GLCCI1: variants seen among roughly 807,000 people sequenced by gnomAD.
GLCCI1 encodes glucocorticoid-induced transcript 1 protein.
In GLCCI1, 24 loss-of-function variants were observed where a neutral mutation model predicts 52.2. That is an observed-to-expected ratio of 0.46 (90% confidence interval 0.33 to 0.65). The LOEUF (loss-of-function observed/expected upper bound fraction) is 0.65, where lower values mean the gene tolerates loss of function less well. GLCCI1 is among the 30% of genes least tolerant of loss of function. GLCCI1 has a pLI of 0.02. For synonymous variants in GLCCI1, 310 were observed against 276.5 expected, an observed-to-expected ratio of 1.12 and a Z score of -1.20; for missense variants, 704 against 701.5, an observed-to-expected ratio of 1.00 and a Z score of -0.04.
At position 7,983,973 on chromosome 7, in the gene GLCCI1, G is replaced by C. The variant is rs375696992; in HGVS notation, c.457+14166G>C. ...TCCACATATTAAAAGATGGAAGATA[G>C]ATTTCCACAGAATGAGTTTCTAAGT... On this transcript the variant is annotated intron_variant, in intron 1 of 7. Coordinates refer to ENST00000223145, the MANE Select transcript of GLCCI1 (RefSeq NM_138426.4). Among the ~76,000 whole-genome samples the C allele has an allele frequency of 4.7e-4, 71 of 152,310 alleles. 1 individual carries two copies. The highest frequency in any genetic ancestry group is 1.7e-3 in the African/African-American group (69 of 41,574).
chr7:7,988,384 A>G (rs2115413944), intron 1 of GLCCI1, among the ~76,000 whole-genome samples: 1 of 152,306 alleles, frequency 6.6e-6, no homozygotes, highest in Middle Eastern at 3.4e-3. Context: ...GCTTTGACAA[A>G]TCTTAAGAAC....
At chr7:8,034,883 G>A (rs537208299) in intron 3 of GLCCI1, among the ~76,000 whole-genome samples, 30 of 152,204 alleles carry the variant, frequency 2.0e-4, no homozygotes, top group Non-Finnish European at 3.7e-4. Flanking sequence ...AAACACTGGT[G>A]TGGGTGGTGA....
chr7:7,979,121 T>A (rs1282784669), intron 1 of GLCCI1, among the ~76,000 whole-genome samples: 2 of 152,162 alleles, frequency 1.3e-5, no homozygotes, highest in Admixed American at 1.3e-4. Context: ...AAATGCAGTT[T>A]CATTAGTATT....
chr7:8,034,818 C>T (rs944374250), intron 3 of GLCCI1, among the ~76,000 whole-genome samples: 14 of 152,172 alleles, frequency 9.2e-5, no homozygotes, highest in Admixed American at 3.9e-4. Context: ...TTGGGCTCCC[C>T]TTCCCCTCGC....
chr7:7,983,223 CTG>C (rs1780658501), intron 1 of GLCCI1, among the ~76,000 whole-genome samples: 1 of 144,606 alleles, frequency 6.9e-6, no homozygotes, highest in Admixed American at 6.9e-5. Flanking sequence ...ATGTAAGAAA[CTG>C]TATAAAATTG....
At chr7:8,084,178 G>GC (rs1783051695) in intron 6 of GLCCI1, among the ~76,000 whole-genome samples, 1 of 152,184 alleles carries the variant, frequency 6.6e-6, no homozygotes, top group Admixed American at 6.5e-5. Context: ...GGGAGAAATT[G>GC]CATATGGGTT....
intron 6 of GLCCI1, among the ~76,000 whole-genome samples, chr7:8,075,227 C>G (rs780788228): frequency 6.6e-6 from 1 of 152,134 alleles, no homozygotes; most frequent in Non-Finnish European, 1.5e-5. Flanking sequence ...AAAGTTTCAG[C>G]TATTGAGAGA....
At chr7:8,049,118 T>C (rs563710661) in intron 3 of GLCCI1, among the ~76,000 whole-genome samples, 24 of 152,302 alleles carry the variant, frequency 1.6e-4, no homozygotes, top group African/African-American at 5.5e-4. Flanking sequence ...CTCTCATTAG[T>C]ACGTTATATT....
chr7:8,070,914 CT>C lies in GLCCI1; in HGVS notation c.967-5del. 6.2e-7 allele frequency: 1 copy of C among 1,612,258 alleles called. No individual in the cohort carries two copies. Among genetic ancestry groups the C allele is most frequent in the Non-Finnish European group, 8.5e-7 (1 of 1,178,396 alleles). ...CATTTGGATGTTTAATGGTATTCCT[CT>C]TACAGCCGTTGGACATACCAGATGG... is the stretch of plus-strand genomic sequence containing the variant. On this transcript the variant is annotated splice_polypyrimidine_tract_variant and splice_region_variant and intron_variant, in intron 5 of 7. Coordinates refer to ENST00000223145, the MANE Select transcript of GLCCI1 (RefSeq NM_138426.4).
intron 1 of GLCCI1, among the ~76,000 whole-genome samples, chr7:7,973,936 G>C (rs1045365803): frequency 6.6e-6 from 1 of 151,920 alleles, no homozygotes; most frequent in African/African-American, 2.4e-5. Flanking sequence ...GAGATACTCA[G>C]ATATTCTCTT....
At chr7:8,026,898 G>T (rs1781634487) in intron 3 of GLCCI1, among the ~76,000 whole-genome samples, 1 of 152,164 alleles carries the variant, frequency 6.6e-6, no homozygotes, top group Non-Finnish European at 1.5e-5. Context: ...AATTCTCCCA[G>T]ATCTTTTTCA....
intron 6 of GLCCI1, among the ~76,000 whole-genome samples, chr7:8,077,006 A>C (rs1261330143): frequency 6.6e-6 from 1 of 152,242 alleles, no homozygotes; most frequent in African/African-American, 2.4e-5. Context: ...AAGAATAATT[A>C]AACTAAGATT....
chr7:8,060,644 G>A (rs566044867), intron 5 of GLCCI1, among the ~76,000 whole-genome samples: 127 of 152,182 alleles, frequency 8.3e-4, no homozygotes, highest in African/African-American at 2.7e-3. Context: ...GTTCACCCAC[G>A]TTTAGCCTGT....
intron 2 of GLCCI1, among the ~76,000 whole-genome samples, chr7:8,004,441 A>G (rs765310872): frequency 3.9e-5 from 6 of 152,206 alleles, no homozygotes; most frequent in African/African-American, 4.8e-5. Flanking sequence ...AATGAAATCT[A>G]TGTTGGAGAA....
chr7:8,022,530 G>T lies in GLCCI1; in HGVS notation c.657G>T (p.Gln219His). 1 of 1,586,132 alleles carries T rather than the reference G, an allele frequency of 6.3e-7. No homozygotes were observed. The highest frequency in any genetic ancestry group is 8.6e-7 in the Non-Finnish European group (1 of 1,164,794). ...AGGGTGCAGAAAAGAGGTCACATCA[G>T]CGTTCTGCGTCATGGGGGAGTGCTG... ...AEEGAEKRSH[Q>H]RSASWGSADQ... The change falls in exon 3 of 8, where the codon CAG (glutamine) becomes CAT (histidine). Residue 219 changes from glutamine (Q) to histidine (H), a missense_variant. By Grantham distance (24) the Gln-to-His change is conservative (BLOSUM62 0). Coordinates refer to ENST00000223145, the MANE Select transcript of GLCCI1 (RefSeq NM_138426.4).
At chr7:8,085,120 T>C in intron 7 of GLCCI1, 103 bp downstream of exon 7, 1 of 1,356,070 alleles carries the variant, frequency 7.4e-7, no homozygotes, top group Non-Finnish European at 1.0e-6. Flanking sequence ...CAGCTGATAA[T>C]GTGTTTCAAG....
chr7:8,084,832 T>G, intron 6 of GLCCI1, 65 bp from the exon 7 acceptor site: 1 of 1,568,088 alleles, frequency 6.4e-7, no homozygotes, highest in South Asian at 1.1e-5. Flanking sequence ...AAAGGCTGTT[T>G]GTTTGGAAAT....
Position 7,990,320 on chromosome 7 carries a change from G to T in GLCCI1, c.458-13588G>T, listed in dbSNP as rs888376383. ...TAAACACTAAAACTTTGTGACTGTAGTCTGTATCGCCTGGACAGTGCCATT... is the reference window on the plus strand; with the variant it reads ...TAAACACTAAAACTTTGTGACTGTATTCTGTATCGCCTGGACAGTGCCATT... On this transcript the variant is annotated intron_variant, in intron 1 of 7. Transcript: ENST00000223145. Among the ~76,000 whole-genome samples the T allele has an allele frequency of 3.9e-5, 6 of 152,132 alleles. No individual in the cohort carries two copies. In the East Asian group the frequency reaches 1.2e-3, roughly 29 times the overall value.
intron 4 of GLCCI1, among the ~76,000 whole-genome samples, chr7:8,058,762 G>A (rs1782454377): frequency 6.6e-6 from 1 of 152,174 alleles, no homozygotes; most frequent in East Asian, 1.9e-4. Flanking sequence ...AATGGGGGTT[G>A]GGGCATTGAC....
Sources: allele counts gnomAD v4.1 joint callset (sites outside exome capture counted in the v4.1 genomes callset), GRCh38; gene constraint gnomAD v4.1.1; transcripts MANE v1.5; gene names NCBI Gene and HGNC (gene_info 2026-07-23, HGNC 2026-07-21).